Variants in MGMT observed in about 807,000 individuals in gnomAD.
MGMT encodes the protein O-6-methylguanine-DNA methyltransferase.
In MGMT, 14 loss-of-function variants were observed where a neutral mutation model predicts 15.9. The ratio of observed to expected loss-of-function variants is 0.88; its 90% CI spans 0.58 to 1.37. The LOEUF is 1.37. Among genes scored for constraint, MGMT ranks in the 40% most tolerant of loss-of-function variants. MGMT has a pLI of 0.00. For synonymous variants in MGMT, 130 were observed against 118.2 expected (o/e 1.10, Z -0.65); for missense variants, 282 against 268.1 (o/e 1.05, Z -0.36).
chr10:129,668,214 C>G lies in MGMT; in HGVS notation c.126-39681C>G, dbSNP rs56130524. Among the ~76,000 whole-genome samples the G allele has an allele frequency of 9.8e-3, 1,485 of 151,772 alleles. 33 individuals carry two copies. The highest frequency in any genetic ancestry group is 0.034 in the African/African-American group (1,391 of 41,382). The stretch of plus-strand genomic sequence containing the variant: ...AGACCATAGGTTGGCAAACTTTTTT[C>G]TGTAAAGGACTAAATAGTAAACATT... On this transcript the variant is annotated intron_variant, in intron 2 of 4. Transcript: ENST00000651593.
In MGMT at chr10:129,770,898, TCCCTCAG is replaced by T. The variant is rs1848992905; in HGVS notation, c.*3902_*3908del. 6.6e-6 allele frequency among the ~76,000 whole-genome samples: 1 copy of T among 151,896 alleles called. No homozygotes were observed. The highest frequency in any genetic ancestry group is 2.4e-5 in the African/African-American group (1 of 41,274). Reference sequence around the variant, plus strand: ...GGGTGGGGGATTTAAATTTTTGGCTTCCCTCAGACCTCAGACCGTGTGGGTTTTTTTT... The same window carrying T: ...GGGTGGGGGATTTAAATTTTTGGCTTACCTCAGACCGTGTGGGTTTTTTTT... On this transcript the variant is annotated 3_prime_UTR_variant, in exon 5 of 5. Transcript: ENST00000651593.
intron 2 of MGMT, among the ~76,000 whole-genome samples, chr10:129,616,462 A>G (rs111493810): frequency 0.036 from 5,416 of 152,208 alleles, 255 homozygotes; most frequent in African/African-American, 0.1. Context: ...GGGCTTTCTT[A>G]GTGCCAGGGC....
At chr10:129,732,596 G>T (rs1428471287) in intron 3 of MGMT, among the ~76,000 whole-genome samples, 5 of 150,404 alleles carry the variant, frequency 3.3e-5, no homozygotes, top group African/African-American at 1.2e-4. Context: ...TAGGGTGCAT[G>T]TGCATAATGT....
chr10:129,623,917 G>T (rs1328059919), intron 2 of MGMT, among the ~76,000 whole-genome samples: 1 of 152,236 alleles, frequency 6.6e-6, no homozygotes, highest in African/African-American at 2.4e-5. Context: ...TTGAACGCAT[G>T]CCATTCTGCC....
At chr10:129,567,335 C>G (rs183006388) in intron 2 of MGMT, among the ~76,000 whole-genome samples, 4 of 152,014 alleles carry the variant, frequency 2.6e-5, no homozygotes, top group Non-Finnish European at 4.4e-5. Flanking sequence ...ATGTCCCCAT[C>G]ATAGACCCAG....
chr10:129,671,813 C>T (rs1490821988), intron 2 of MGMT, among the ~76,000 whole-genome samples: 2 of 152,194 alleles, frequency 1.3e-5, no homozygotes, highest in Admixed American at 6.5e-5. Context: ...ACCTCTGTCT[C>T]GTCACTTTGC....
chr10:129,726,036 C>T (rs1281230000), intron 3 of MGMT, among the ~76,000 whole-genome samples: 1 of 152,076 alleles, frequency 6.6e-6, no homozygotes, highest in African/African-American at 2.4e-5. Flanking sequence ...TTCTGTCACA[C>T]AGCCTGGCCA....
intron 2 of MGMT, among the ~76,000 whole-genome samples, chr10:129,552,459 T>C (rs1307996240): frequency 6.6e-6 from 1 of 152,262 alleles, no homozygotes; most frequent in Non-Finnish European, 1.5e-5. Flanking sequence ...GTTTGTGGCC[T>C]TCAAAGCCTT....
At chr10:129,704,397 T>A (rs1848135153) in intron 2 of MGMT, among the ~76,000 whole-genome samples, 1 of 151,998 alleles carries the variant, frequency 6.6e-6, no homozygotes. Flanking sequence ...TTCCAGGCAG[T>A]GGCTTGGGCT....
At chr10:129,561,145 T>G (rs1232944355) in intron 2 of MGMT, among the ~76,000 whole-genome samples, 1 of 152,192 alleles carries the variant, frequency 6.6e-6, no homozygotes, top group Non-Finnish European at 1.5e-5. Context: ...GATTCAGGAA[T>G]GTCTTTCACC....
intron 2 of MGMT, among the ~76,000 whole-genome samples, chr10:129,672,609 C>A (rs1203890442): frequency 6.6e-6 from 1 of 152,142 alleles, no homozygotes; most frequent in Non-Finnish European, 1.5e-5. Context: ...TGCTACTGTG[C>A]CTAATTTGGT....
intron 3 of MGMT, among the ~76,000 whole-genome samples, chr10:129,739,441 G>A (rs533088494): frequency 5.9e-5 from 9 of 152,102 alleles, no homozygotes; most frequent in East Asian, 5.8e-4. Flanking sequence ...TTTTATTTTC[G>A]AAAAAATTAC....
chr10:129,702,600 T>G (rs1848111853), intron 2 of MGMT, among the ~76,000 whole-genome samples: 1 of 151,788 alleles, frequency 6.6e-6, no homozygotes, highest in Non-Finnish European at 1.5e-5. Context: ...CCTGCAGGGT[T>G]TGAGGGATGG....
intron 2 of MGMT, among the ~76,000 whole-genome samples, chr10:129,543,398 C>T (rs569274509): frequency 1.6e-4 from 24 of 152,266 alleles, no homozygotes; most frequent in African/African-American, 5.3e-4. Context: ...TACAGCACTG[C>T]GGAGAATCCC....
intron 1 of MGMT, among the ~76,000 whole-genome samples, chr10:129,509,837 C>T (rs1452260932): frequency 6.6e-6 from 1 of 152,198 alleles, no homozygotes; most frequent in East Asian, 1.9e-4. Context: ...TGAGAAAGGT[C>T]CCGTAAATTG....
chr10:129,567,684 A>G (rs1321399221), intron 2 of MGMT, among the ~76,000 whole-genome samples: 1 of 152,176 alleles, frequency 6.6e-6, no homozygotes, highest in South Asian at 2.1e-4. Context: ...TAACTGTAAT[A>G]CTGTGGAATG....
At chr10:129,613,975 A>G (rs189217098) in intron 2 of MGMT, among the ~76,000 whole-genome samples, 2 of 152,194 alleles carry the variant, frequency 1.3e-5, no homozygotes, top group African/African-American at 4.8e-5. Flanking sequence ...TCCCACCTTC[A>G]CCATTTTTAA....
intron 1 of MGMT, among the ~76,000 whole-genome samples, chr10:129,469,079 TC>T (rs1845202504): frequency 6.6e-6 from 1 of 152,150 alleles, no homozygotes; most frequent in South Asian, 2.1e-4. Flanking sequence ...GCCTTACTTT[TC>T]GTTGTTTGGG....
At chr10:129,506,023 T>G (rs906858711) in intron 1 of MGMT, among the ~76,000 whole-genome samples, 2 of 151,274 alleles carry the variant, frequency 1.3e-5, no homozygotes, top group African/African-American at 2.4e-5. Context: ...TTTTTTTTTT[T>G]GCAGCATTTC....
Sources: gnomAD v4.1 joint callset for allele counts (sites outside exome capture counted in the v4.1 genomes callset) on GRCh38, gnomAD v4.1.1 for gene constraint, MANE v1.5 for transcripts, NCBI Gene and HGNC (gene_info 2026-07-23, HGNC 2026-07-21) for gene names.